EPC1: variants seen among roughly 807,000 people sequenced by gnomAD.
The protein encoded by EPC1 is enhancer of polycomb 1, also known as enhancer of polycomb homolog 1.
EPC1 carries 12 observed loss-of-function variants against 98.4 expected under a neutral mutation model. The ratio of observed to expected loss-of-function variants is 0.12; its 90% CI spans 0.08 to 0.20. The LOEUF (loss-of-function observed/expected upper bound fraction) is 0.20. Ranked by LOEUF, EPC1 falls within the 10% of genes least tolerant of loss-of-function variation. The pLI is 1.00. For synonymous variants in EPC1, 357 were observed against 363.9 expected (o/e 0.98, Z 0.21); for missense variants, 729 against 990.5 (o/e 0.74, Z 3.54).
intron 1 of EPC1, among the ~76,000 whole-genome samples, chr10:32,329,500 T>C (rs780330385): frequency 1.3e-5 from 2 of 152,232 alleles, no homozygotes; most frequent in African/African-American, 4.8e-5. Flanking sequence ...AGATAATCTA[T>C]TTCAAGTTTT....
intron 1 of EPC1, among the ~76,000 whole-genome samples, chr10:32,308,507 A>AC: frequency 6.6e-6 from 1 of 152,204 alleles, no homozygotes; most frequent in East Asian, 1.9e-4. Flanking sequence ...TCAGGTCTTT[A>AC]CCCCTTTTAA....
chr10:32,328,738 G>C (rs558608283), intron 1 of EPC1, among the ~76,000 whole-genome samples: 1 of 152,162 alleles, frequency 6.6e-6, no homozygotes, highest in Admixed American at 6.5e-5. Context: ...GCTGTGGGGG[G>C]ATTTCTGAAT....
chr10:32,318,433 C>A (rs958083376), intron 1 of EPC1, among the ~76,000 whole-genome samples: 2 of 152,186 alleles, frequency 1.3e-5, no homozygotes, highest in African/African-American at 2.4e-5. Context: ...TGTATATACG[C>A]ACCCTTGCAA....
intron 2 of EPC1, among the ~76,000 whole-genome samples, chr10:32,296,892 G>A (rs1835201423): frequency 6.7e-6 from 1 of 149,094 alleles, no homozygotes; most frequent in South Asian, 2.1e-4. Flanking sequence ...GGGCGACAGA[G>A]CAAGACTCCA....
At chr10:32,310,778 G>C (rs1836164259) in intron 1 of EPC1, among the ~76,000 whole-genome samples, 1 of 152,084 alleles carries the variant, frequency 6.6e-6, no homozygotes, top group African/African-American at 2.4e-5. Flanking sequence ...GGAGGCTGAA[G>C]CAGGAGAATT....
intron 2 of EPC1, among the ~76,000 whole-genome samples, chr10:32,302,233 T>G (rs1435468081): frequency 6.7e-6 from 1 of 149,960 alleles, no homozygotes; most frequent in Admixed American, 6.6e-5. Flanking sequence ...AGAGCAAGAC[T>G]CCGTCTCAAA....
chr10:32,360,582 A>G (rs2133100873), intron 1 of EPC1, among the ~76,000 whole-genome samples: 1 of 152,342 alleles, frequency 6.6e-6, no homozygotes, highest in East Asian at 1.9e-4. Context: ...ATTTACCAGC[A>G]GTAGGACTCT....
intron 1 of EPC1, among the ~76,000 whole-genome samples, chr10:32,306,900 A>AT (rs1173511038): frequency 6.6e-6 from 1 of 152,134 alleles, no homozygotes; most frequent in East Asian, 1.9e-4. Context: ...AAGTTCATGG[A>AT]TAAAAAGCAT....
At chr10:32,311,694 T>C (rs1054363548) in intron 1 of EPC1, among the ~76,000 whole-genome samples, 2 of 152,238 alleles carry the variant, frequency 1.3e-5, no homozygotes, top group African/African-American at 4.8e-5. Flanking sequence ...CTGTGTATGC[T>C]ATATTTTTCC....
intron 1 of EPC1, among the ~76,000 whole-genome samples, chr10:32,368,746 G>A (rs1382011964): frequency 1.3e-5 from 2 of 152,044 alleles, no homozygotes; most frequent in South Asian, 2.1e-4. Context: ...TTTTAAATTC[G>A]CGTCGCACTG....
At chr10:32,309,113 A>G (rs1836045604) in intron 1 of EPC1, among the ~76,000 whole-genome samples, 2 of 152,208 alleles carry the variant, frequency 1.3e-5, no homozygotes, top group Non-Finnish European at 2.9e-5. Flanking sequence ...GTTCATTAAA[A>G]CAATAGAAGG....
intron 1 of EPC1, among the ~76,000 whole-genome samples, chr10:32,325,291 CTAAT>C (rs1398377363): frequency 1.3e-5 from 2 of 152,210 alleles, no homozygotes; most frequent in African/African-American, 4.8e-5. Flanking sequence ...TACAGCTTTT[CTAAT>C]TAATAGCAAT....
chr10:32,373,096 G>A (rs1350805162), intron 1 of EPC1, among the ~76,000 whole-genome samples: 1 of 152,180 alleles, frequency 6.6e-6, no homozygotes, highest in Non-Finnish European at 1.5e-5. Flanking sequence ...TAAAGAAAAG[G>A]AGGTAAGTAC....
At chr10:32,341,170 C>G (rs1313373696) in intron 1 of EPC1, among the ~76,000 whole-genome samples, 1 of 152,196 alleles carries the variant, frequency 6.6e-6, no homozygotes, top group Non-Finnish European at 1.5e-5. Flanking sequence ...AAAATGCTAT[C>G]TTCTGCTTTT....
In EPC1 at chr10:32,287,102, G is replaced by T; in HGVS notation, c.1148C>A (p.Ser383Tyr). 1 of 1,614,174 alleles carries T rather than the reference G, an allele frequency of 6.2e-7. No homozygotes were observed. Among genetic ancestry groups the T allele is most frequent in the South Asian group, 1.1e-5 (1 of 91,086 alleles). ...DFPSSDEEPL[S>Y]QVLSGSSEAE... ...CATAGAGAATTGTATTTGTACCTGG[G>T]AGAGAGGTTCTTCGTCTGAGCTGGG... The change falls in exon 7 of 14, where the codon TCC becomes TAC. Residue 383 changes from serine (S) to tyrosine (Y), a missense_variant. Transcript: ENST00000319778.
chr10:32,348,853 C>T (rs745683181), upstream of EPC1, among the ~76,000 whole-genome samples: 4 of 152,098 alleles, frequency 2.6e-5, no homozygotes, highest in Admixed American at 6.5e-5. Flanking sequence ...GCAAGAGTGG[C>T]GCCCAACCCA....
intron 13 of EPC1, among the ~76,000 whole-genome samples, chr10:32,270,921 A>G (rs992184521): frequency 1.2e-4 from 18 of 151,740 alleles, no homozygotes; most frequent in African/African-American, 3.1e-4. Flanking sequence ...GAAGCTGTGG[A>G]AAAAAAGTCA....
At position 32,365,053 on chromosome 10, in the gene EPC1, T is replaced by A. The variant is rs146468088; in HGVS notation, c.3+13438A>T. Among the ~76,000 whole-genome samples the A allele has an allele frequency of 2.0e-3, 308 of 152,130 alleles. 2 individuals carry two copies. The highest frequency in any genetic ancestry group is 7.0e-3 in the African/African-American group (292 of 41,482). ...AGTAAAGAAAGCACTAAGAGAAGTA[T>A]AAGAGAAAAAGTTCTGGAAGACATG... On this transcript the variant is annotated intron_variant, in intron 1 of 13. Transcript: ENST00000375110.
intron 2 of EPC1, among the ~76,000 whole-genome samples, chr10:32,303,218 G>A (rs1190713774): frequency 6.6e-6 from 1 of 152,050 alleles, no homozygotes; most frequent in African/African-American, 2.4e-5. Flanking sequence ...CACGAGAATC[G>A]CTTGAACCAG....
Sources: gnomAD v4.1 joint callset for allele counts (sites outside exome capture counted in the v4.1 genomes callset) on GRCh38, gnomAD v4.1.1 for gene constraint, MANE v1.5 for transcripts, NCBI Gene and HGNC (gene_info 2026-07-23, HGNC 2026-07-21) for gene names.